UBD: variants seen among roughly 807,000 people sequenced by gnomAD.
UBD encodes ubiquitin D.
A neutral mutation model predicts 2.3 loss-of-function variants in UBD; 1 was observed. That is an observed-to-expected ratio of 0.43 (90% confidence interval 0.15 to 2.06). UBD has a LOEUF of 2.06. Ranked by LOEUF, UBD falls within the 30% of genes most tolerant of loss-of-function variation. UBD has a pLI of 0.29. For missense variants in UBD, 175 were observed against 199.3 expected, an observed-to-expected ratio of 0.88 and a Z score of 0.73; for synonymous variants, 75 against 76.5, an observed-to-expected ratio of 0.98 and a Z score of 0.10.
chr6:29,556,381 T>TA (rs1762522993), intron 1 of UBD, 31 bp from the exon 2 acceptor site: 1 of 1,562,122 alleles, frequency 6.4e-7, no homozygotes, highest in African/African-American at 1.4e-5. Flanking sequence ...GACAGTTACC[T>TA]AGGATGCCTG....
Position 29,555,660 on chromosome 6 carries a change from G to A in UBD, c.*220C>T. 1.8e-6 allele frequency: 1 copy of A among 565,368 alleles called. No individual in the cohort carries two copies. Among genetic ancestry groups the A allele is most frequent in the South Asian group, 2.6e-5 (1 of 39,146 alleles). 35.0% of individuals were successfully genotyped at this position (565,368 alleles called of 1,614,324 possible). On this transcript the variant is annotated 3_prime_UTR_variant, in exon 2 of 2. Coordinates refer to ENST00000377050, the MANE Select transcript of UBD (RefSeq NM_006398.4). ...CTTAAAAATTTATTTACTAGTCTCA[G>A]TAATACATTAGTAAAAATCATGTCA... is the stretch of plus-strand genomic sequence containing the variant.
chr6:29,559,635 CTTTTCCT>C, intron 1 of UBD, 33 bp downstream of exon 1: 1 of 1,612,252 alleles, frequency 6.2e-7, no homozygotes, highest in Non-Finnish European at 8.5e-7. Context: ...CTTGAAAGTG[CTTTTCCT>C]TTCCCCATCC....
At chr6:29,557,158 T>C (rs976371719) in intron 1 of UBD, 5 of 152,206 alleles carry the variant, frequency 3.3e-5, no homozygotes, top group African/African-American at 1.2e-4. Flanking sequence ...AGTTAAGTCA[T>C]GCATCCCTTA....
At chr6:29,559,564 G>T (rs1762699378) in intron 1 of UBD, 111 bp downstream of exon 1, 1 of 1,130,098 alleles carries the variant, frequency 8.8e-7, no homozygotes, top group Non-Finnish European at 1.3e-6. Flanking sequence ...AAGGATGCCT[G>T]CCCAGCCCCC....
intron 1 of UBD, among the ~76,000 whole-genome samples, chr6:29,558,804 T>C (rs1762656474): frequency 6.6e-6 from 1 of 152,214 alleles, no homozygotes; most frequent in Admixed American, 6.5e-5. Context: ...CCGTGACCCA[T>C]GGCTTCTAAT....
At position 29,555,533 on chromosome 6, in the gene UBD, T is replaced by C. The variant is rs889764718; in HGVS notation, c.*347A>G. ...AGAACATGGATCCCAACCTAAAACT[T>C]ACTCTCTTGTCATAAAGGAAAGGAG... On this transcript the variant is annotated 3_prime_UTR_variant, in exon 2 of 2. Coordinates refer to ENST00000377050, the MANE Select transcript of UBD (RefSeq NM_006398.4). 5 of 257,356 alleles carry C rather than the reference T, an allele frequency of 1.9e-5. No homozygotes were observed. The highest frequency in any genetic ancestry group is 7.3e-6 in the Non-Finnish European group (1 of 136,644). 15.9% of individuals were successfully genotyped at this position (257,356 alleles called of 1,614,324 possible).
chr6:29,556,395 C>T lies in UBD; in HGVS notation c.28-45G>A, dbSNP rs773930623. 2.1e-6 allele frequency: 3 copies of T among 1,458,800 alleles called. No individual in the cohort carries two copies. In the Admixed American group the frequency reaches 5.2e-5, roughly 26 times the overall value. 90.4% of individuals were successfully genotyped at this position (1,458,800 alleles called of 1,614,324 possible). ...AGACAGTTACCTAGGATGCCTGCCTCCTTTACACTTCTACTCCCCACCACA... is the reference window on the plus strand; with the variant it reads ...AGACAGTTACCTAGGATGCCTGCCTTCTTTACACTTCTACTCCCCACCACA... On this transcript the variant is annotated intron_variant, in intron 1 of 1. Coordinates refer to ENST00000377050, the MANE Select transcript of UBD (RefSeq NM_006398.4).
In UBD at chr6:29,555,860, A is replaced by C. The variant is rs749920259; in HGVS notation, c.*20T>G. Reference sequence around the variant, plus strand: ...GAAATAAGCTTTTTGACCCCTGCCAACACCCCATGCCCAGGGTGGTCACCC... The same window carrying C: ...GAAATAAGCTTTTTGACCCCTGCCACCACCCCATGCCCAGGGTGGTCACCC... On this transcript the variant is annotated 3_prime_UTR_variant, in exon 2 of 2. Coordinates refer to ENST00000377050, the MANE Select transcript of UBD (RefSeq NM_006398.4). 1.9e-6 allele frequency: 3 copies of C among 1,598,296 alleles called. No homozygotes were observed.
chr6:29,558,269 T>C (rs868010313), intron 1 of UBD, among the ~76,000 whole-genome samples: 7 of 152,202 alleles, frequency 4.6e-5, no homozygotes, highest in African/African-American at 1.7e-4. Flanking sequence ...TAAGCCTAGC[T>C]GGGGAGGTGA....
intron 1 of UBD, chr6:29,557,072 T>C (rs967774782): frequency 6.6e-6 from 1 of 152,236 alleles, no homozygotes; most frequent in Non-Finnish European, 1.5e-5. Flanking sequence ...TTAGAGATTA[T>C]AAGACTGAGA....
chr6:29,556,550 C>G lies in UBD; in HGVS notation c.28-200G>C. 3 of 544,130 alleles carry G rather than the reference C, an allele frequency of 5.5e-6. No homozygotes were observed. The South Asian group carries it at 9.0e-5, about 16-fold the overall frequency. The allele number at this position is 544,130 out of a possible 1,614,324, so 33.7% of individuals were successfully genotyped here. A position where few individuals can be genotyped will look rare whatever the true frequency, so the allele number is the denominator to read the frequency against. On this transcript the variant is annotated intron_variant, in intron 1 of 1. Transcript: ENST00000377050. Reference sequence around the variant, plus strand: ...CACAAATAAGATAATTTGTCCCATTCCTTTATAATCACACCTTTTTTTCGA... The same window carrying G: ...CACAAATAAGATAATTTGTCCCATTGCTTTATAATCACACCTTTTTTTCGA...
In UBD at chr6:29,556,047, A is replaced by C; in HGVS notation, c.331T>G (p.Ser111Ala). 6.2e-7 allele frequency: 1 copy of C among 1,613,044 alleles called. No homozygotes were observed. Among genetic ancestry groups the C allele is most frequent in the Non-Finnish European group, 8.5e-7 (1 of 1,180,020 alleles). ...ATCATTGCTTTCACTTGTGCCACTGAGCTGGACCTTCGCACCTGGAGGAGG... is the reference window on the plus strand; with the variant it reads ...ATCATTGCTTTCACTTGTGCCACTGCGCTGGACCTTCGCACCTGGAGGAGG... ...RHLLQVRRSSSVAQVKAMIET... is the reference protein window; with the variant it reads ...RHLLQVRRSSAVAQVKAMIET... The change falls in exon 2 of 2, where the codon TCA (serine) becomes GCA (alanine). Residue 111 changes from serine (S) to alanine (A), a missense_variant. Coordinates refer to ENST00000377050, the MANE Select transcript of UBD (RefSeq NM_006398.4).
At chr6:29,557,373 A>G (rs1033751509) in intron 1 of UBD, 2 of 152,210 alleles carry the variant, frequency 1.3e-5, no homozygotes, top group Non-Finnish European at 2.9e-5. Flanking sequence ...TTTTCTCCTG[A>G]TAAGAGACCA....
intron 1 of UBD, chr6:29,556,771 A>G (rs1438651070): frequency 6.0e-6 from 1 of 167,100 alleles, no homozygotes; most frequent in African/African-American, 2.4e-5. Flanking sequence ...AGCCTGGTGA[A>G]CTTGGTGAAA....
intron 1 of UBD, 42 bp downstream of exon 1, chr6:29,559,633 T>G (rs1231750972): frequency 6.2e-7 from 1 of 1,611,560 alleles, no homozygotes; most frequent in Admixed American, 1.7e-5. Flanking sequence ...CTCTTGAAAG[T>G]GCTTTTCCTT....
At chr6:29,559,651 C>A in intron 1 of UBD, 24 bp downstream of exon 1, 1 of 1,612,896 alleles carries the variant, frequency 6.2e-7, no homozygotes, top group Non-Finnish European at 8.5e-7. Flanking sequence ...CTTTCCCCAT[C>A]CCCTTTATCA....
At position 29,556,185 on chromosome 6, in the gene UBD, A is replaced by G. The variant is rs773059116; in HGVS notation, c.193T>C (p.Ser65Pro). The G allele has an allele frequency of 1.2e-6, 2 of 1,613,078 alleles. No homozygotes were observed. The highest frequency in any genetic ancestry group is 1.7e-6 in the Non-Finnish European group (2 of 1,180,018). Residue 65 changes from serine (S) to proline (P), a missense_variant, in exon 2 of 2, where the codon TCT (serine) becomes CCT (proline). Transcript: ENST00000377050. Reference sequence around the variant, plus strand: ...GTCTTCTCTTTGTCAATGCCATAAGATGAGAGGCTTCTCCGTGGCTTTAAG... The same window carrying G: ...GTCTTCTCTTTGTCAATGCCATAAGGTGAGAGGCTTCTCCGTGGCTTTAAG... ...KILKPRRSLS[S>P]YGIDKEKTIH...
rs780025221 is a variant in UBD, at chr6:29,559,691, T to C, written c.11A>G (p.Asn4Ser). The change falls in exon 1 of 2, where the codon AAT becomes AGT. Residue 4 changes from asparagine (N) to serine (S), a missense_variant. By Grantham distance (46) the Asn-to-Ser change is conservative. Transcript: ENST00000377050. ...CCAACTTACACAGAGGCAGGAAGCATTGGGAGCCATCTCTGCAGACAAGGG... is the reference window on the plus strand; with the variant it reads ...CCAACTTACACAGAGGCAGGAAGCACTGGGAGCCATCTCTGCAGACAAGGG... MAPNASCLCVHVRS... is the reference protein window; with the variant it reads MAPSASCLCVHVRS... 3.7e-6 allele frequency: 6 copies of C among 1,613,040 alleles called. No homozygotes were observed. The highest frequency in any genetic ancestry group is 2.2e-5 in the East Asian group (1 of 44,886).
At position 29,555,615 on chromosome 6, in the gene UBD, CT is replaced by C. The variant is rs1762469743; in HGVS notation, c.*264del. The stretch of plus-strand genomic sequence containing the variant: ...AAGACAGAATTAAATTCCAAGCTGG[CT>C]TTGAATGCTCTATTTTGCCTTAAAA... On this transcript the variant is annotated 3_prime_UTR_variant, in exon 2 of 2. Coordinates refer to ENST00000377050, the MANE Select transcript of UBD (RefSeq NM_006398.4). 2.2e-6 allele frequency: 1 copy of C among 462,012 alleles called. No individual in the cohort carries two copies. The highest frequency in any genetic ancestry group is 4.5e-5 in the South Asian group (1 of 22,378). The allele number at this position is 462,012 out of a possible 1,614,324, so 28.6% of individuals were successfully genotyped here.
Sources: allele counts gnomAD v4.1 joint callset (sites outside exome capture counted in the v4.1 genomes callset), GRCh38; gene constraint gnomAD v4.1.1; transcripts MANE v1.5; gene names NCBI Gene and HGNC (gene_info 2026-07-23, HGNC 2026-07-21).